The following TNKS2 variants were observed in gnomAD, a reference collection of about 807,000 sequenced individuals.
The protein encoded by TNKS2 is tankyrase 2, also known as poly [ADP-ribose] polymerase tankyrase-2.
Under a neutral mutation model 137.6 loss-of-function variants are expected in TNKS2, and 72 were observed. The observed-to-expected ratio is 0.52, with a 90% confidence interval of 0.43 to 0.64. The LOEUF (loss-of-function observed/expected upper bound fraction) is 0.64, where lower values mean the gene tolerates loss of function less well. TNKS2 is among the 30% of genes least tolerant of loss of function. The pLI is 0.00. For synonymous variants in TNKS2, 516 were observed against 512.1 expected (o/e 1.01, Z -0.10); for missense variants, 1,049 against 1,410.2 (o/e 0.74, Z 4.10).
Position 91,798,883 on chromosome 10 carries a change from G to T in TNKS2, c.193G>T (p.Ala65Ser), listed in dbSNP as rs1844058066. The T allele has an allele frequency of 1.5e-6, 2 of 1,374,516 alleles. No homozygotes were observed. The highest frequency in any genetic ancestry group is 1.7e-5 in the South Asian group (1 of 58,144). The allele number at this position is 1,374,516 out of a possible 1,614,324, so 85.1% of individuals were successfully genotyped here. ...CAGGAAATCCACCCCGCTGCACTTC[G>T]CCGCAGGTAACCGGGGCCAGCGTCC... ...AGRKSTPLHF[A>S]AGFGRKDVVE... The change falls in exon 1 of 27, where the codon GCC becomes TCC. Residue 65 changes from alanine to serine, a missense_variant. Ala to Ser is a moderately conservative substitution (Grantham distance 99). Transcript: ENST00000371627.
chr10:91,863,087 A>G lies in TNKS2; in HGVS notation c.*88A>G. On this transcript the variant is annotated 3_prime_UTR_variant, in exon 27 of 27. Transcript: ENST00000371627. Reference sequence around the variant, plus strand: ...CGTTTTACTCCTTTGCTGAAAAAAAATCATCTTGCCCACAGGCCTGTGGCA... The same window carrying G: ...CGTTTTACTCCTTTGCTGAAAAAAAGTCATCTTGCCCACAGGCCTGTGGCA... The G allele has an allele frequency of 4.3e-6, 4 of 927,312 alleles. No individual in the cohort carries two copies. In the South Asian group the frequency reaches 4.7e-5, roughly 11 times the overall value. The allele number at this position is 927,312 out of a possible 1,614,324, so 57.4% of individuals were successfully genotyped here.
chr10:91,830,828 A>G (rs1037508883), intron 9 of TNKS2, 95 bp from the exon 10 acceptor site: 17 of 1,071,308 alleles, frequency 1.6e-5, no homozygotes, highest in Middle Eastern at 3.1e-4. Context: ...CAAAAAGATT[A>G]AATAACTACT....
intron 13 of TNKS2, among the ~76,000 whole-genome samples, chr10:91,840,185 T>C (rs977679072): frequency 1.3e-5 from 2 of 151,928 alleles, no homozygotes; most frequent in African/African-American, 4.8e-5. Flanking sequence ...ACTAAAAATA[T>C]AAAAATTAGC....
Position 91,798,764 on chromosome 10 carries a change from C to T in TNKS2, c.74C>T (p.Ala25Val), listed in dbSNP as rs200480328. 1,209 of 1,265,530 alleles carry T rather than the reference C, an allele frequency of 9.6e-4. 1 individual carries two copies. The highest frequency in any genetic ancestry group is 1.1e-3 in the Non-Finnish European group (1,147 of 998,804). 78.4% of individuals were successfully genotyped at this position (1,265,530 alleles called of 1,614,324 possible). The change falls in exon 1 of 27, where the codon GCC becomes GTC. Residue 25 changes from alanine (A) to valine (V), a missense_variant. By Grantham distance (64) the Ala-to-Val change is moderately conservative. Coordinates refer to ENST00000371627, the MANE Select transcript of TNKS2 (RefSeq NM_025235.4). ...GCGGCCGAGGCCGTGGAGCCGGCCG[C>T]CCGAGAGCTGTTCGAGGCGTGCCGC... ...SAAAEAVEPA[A>V]RELFEACRNG...
At position 91,827,156 on chromosome 10, in the gene TNKS2, G is replaced by A. The variant is rs1845094465; in HGVS notation, c.935G>A (p.Ser312Asn). The change falls in exon 8 of 27, where the codon AGT (serine) becomes AAT (asparagine). Residue 312 changes from serine (S) to asparagine (N), a missense_variant. Transcript: ENST00000371627. Reference protein sequence around the residue: ...DPTLLNCHNKSAIDLAPTPQL... With the variant: ...DPTLLNCHNKNAIDLAPTPQL... ...ACACTGCTCAATTGTCACAATAAAA[G>A]TGCTATAGACTTGGCTCCCACACCA... The A allele has an allele frequency of 6.3e-7, 1 of 1,598,292 alleles. No homozygotes were observed. Among genetic ancestry groups the A allele is most frequent in the Admixed American group, 1.7e-5 (1 of 57,676 alleles).
chr10:91,832,095 T>A (rs1417133475), intron 11 of TNKS2, among the ~76,000 whole-genome samples: 1 of 152,216 alleles, frequency 6.6e-6, no homozygotes, highest in Non-Finnish European at 1.5e-5. Context: ...GTTGCCTCTC[T>A]GTGTCTTAAT....
intron 11 of TNKS2, among the ~76,000 whole-genome samples, chr10:91,833,149 A>G (rs1841875559): frequency 6.6e-6 from 1 of 152,206 alleles, no homozygotes. Context: ...AAACTCCTGT[A>G]GAGATATAGA....
chr10:91,803,438 T>G (rs1844237097), intron 1 of TNKS2, among the ~76,000 whole-genome samples: 1 of 151,964 alleles, frequency 6.6e-6, no homozygotes, highest in African/African-American at 2.4e-5. Context: ...GCTTAAGAGT[T>G]CAAGAGCAGC....
At chr10:91,845,984 TG>T in intron 18 of TNKS2, 44 bp downstream of exon 18, 1 of 1,439,424 alleles carries the variant, frequency 6.9e-7, no homozygotes, top group East Asian at 2.4e-5. Context: ...TTTTCTGACT[TG>T]TTAAAATTCA....
rs973580228 is a variant in TNKS2, at chr10:91,813,533, C to T, written c.424+326C>T. ...GCACAGTGACTTGGCAGGATCAAGT[C>T]AAGGCCCTACTTCCTGGAGTCTTTC... On this transcript the variant is annotated intron_variant, in intron 2 of 26. Transcript: ENST00000371627. Among the ~76,000 whole-genome samples the T allele has an allele frequency of 2.0e-5, 3 of 152,156 alleles. No individual in the cohort carries two copies. In the East Asian group the frequency reaches 5.8e-4, roughly 29 times the overall value.
At chr10:91,829,513 A>G (rs1009825717) in intron 9 of TNKS2, among the ~76,000 whole-genome samples, 13 of 152,268 alleles carry the variant, frequency 8.5e-5, no homozygotes, top group African/African-American at 2.9e-4. Flanking sequence ...CCAGAGATTT[A>G]CAGGCCCTGC....
chr10:91,802,295 T>C (rs1017581032), intron 1 of TNKS2, among the ~76,000 whole-genome samples: 2 of 152,200 alleles, frequency 1.3e-5, no homozygotes, highest in Non-Finnish European at 2.9e-5. Context: ...ATACGAAAAT[T>C]AGTGCTGCTT....
intron 20 of TNKS2, among the ~76,000 whole-genome samples, chr10:91,850,643 C>T (rs569676070): frequency 1.3e-3 from 193 of 152,154 alleles, no homozygotes; most frequent in Non-Finnish European, 1.5e-3. Flanking sequence ...CGCTTGAACC[C>T]GGGAGGCAGA....
At position 91,817,208 on chromosome 10, in the gene TNKS2, T is replaced by C. The variant is rs1174645550; in HGVS notation, c.499T>C (p.Ser167Pro). Residue 167 changes from serine (S) to proline (P), a missense_variant, in exon 3 of 27, where the codon TCT becomes CCT. By Grantham distance (74) the Ser-to-Pro change is moderately conservative. Transcript: ENST00000371627. ...GRTALDLADP[S>P]AKAVLTGEYK... Reference sequence around the variant, plus strand: ...GACAGCATTGGATTTAGCAGATCCATCTGCCAAAGCAGTGCTTACTGGTAA... The same window carrying C: ...GACAGCATTGGATTTAGCAGATCCACCTGCCAAAGCAGTGCTTACTGGTAA... 6.2e-7 allele frequency: 1 copy of C among 1,613,388 alleles called. No individual in the cohort carries two copies. The highest frequency in any genetic ancestry group is 2.2e-5 in the East Asian group (1 of 44,866).
At chr10:91,808,988 T>C (rs925560354) in intron 1 of TNKS2, among the ~76,000 whole-genome samples, 1 of 152,246 alleles carries the variant, frequency 6.6e-6, no homozygotes, top group Non-Finnish European at 1.5e-5. Context: ...GCCAAAAACC[T>C]TGGCAGTAGT....
chr10:91,826,479 A>T (rs758556250), intron 7 of TNKS2, among the ~76,000 whole-genome samples: 2 of 152,240 alleles, frequency 1.3e-5, no homozygotes, highest in African/African-American at 4.8e-5. Flanking sequence ...CAGCAACATT[A>T]TATGTATGAA....
At chr10:91,841,964 T>TAA (rs11394924) in intron 15 of TNKS2, among the ~76,000 whole-genome samples, 1 of 151,936 alleles carries the variant, frequency 6.6e-6, no homozygotes, top group Non-Finnish European at 1.5e-5. Flanking sequence ...ATTAATGCAT[T>TAA]AAAAAATCCA....
At chr10:91,836,297 T>C (rs906758499) in intron 12 of TNKS2, among the ~76,000 whole-genome samples, 2 of 152,140 alleles carry the variant, frequency 1.3e-5, no homozygotes, top group African/African-American at 2.4e-5. Flanking sequence ...ATGAAAATAT[T>C]CCCCCGTTTT....
At chr10:91,819,391 T>A (rs528451067) in intron 4 of TNKS2, 85 bp downstream of exon 4, 2 of 1,421,576 alleles carry the variant, frequency 1.4e-6, no homozygotes, top group Non-Finnish European at 1.9e-6. Flanking sequence ...AAGCAAACTT[T>A]AAAAAGAATT....
Sources: allele counts gnomAD v4.1 joint callset (sites outside exome capture counted in the v4.1 genomes callset), GRCh38; gene constraint gnomAD v4.1.1; transcripts MANE v1.5; gene names NCBI Gene and HGNC (gene_info 2026-07-23, HGNC 2026-07-21).